The following ZFPM2 variants were observed in gnomAD, a reference collection of about 807,000 sequenced individuals.
ZFPM2 encodes the protein zinc finger protein ZFPM2.
ZFPM2 carries 20 observed loss-of-function variants against 98.6 expected under a neutral mutation model. The ratio of observed to expected loss-of-function variants is 0.20; its 90% CI spans 0.14 to 0.29. The LOEUF (loss-of-function observed/expected upper bound fraction) is 0.29. Among genes scored for constraint, ZFPM2 ranks in the 10% least tolerant of loss-of-function variants. The pLI, the probability that ZFPM2 is intolerant of heterozygous loss-of-function variation, is 1.00. For synonymous variants in ZFPM2, 518 were observed against 502.7 expected, an observed-to-expected ratio of 1.03 and a Z score of -0.41; for missense variants, 1,310 against 1,388.6, an observed-to-expected ratio of 0.94 and a Z score of 0.90.
chr8:105,465,827 G>A (rs1211044845), intron 3 of ZFPM2, among the ~76,000 whole-genome samples: 2 of 151,986 alleles, frequency 1.3e-5, no homozygotes, highest in South Asian at 2.1e-4. Flanking sequence ...TTTAGGAGAC[G>A]AACTATTGAT....
chr8:105,334,683 AT>A (rs1023291810), intron 1 of ZFPM2, among the ~76,000 whole-genome samples: 2 of 151,440 alleles, frequency 1.3e-5, no homozygotes, highest in East Asian at 1.9e-4. Context: ...GAGTTCAGAA[AT>A]TTTTTTCTGC....
intron 1 of ZFPM2, among the ~76,000 whole-genome samples, chr8:105,393,344 T>TTCTGTCTG (rs1242830639): frequency 1.4e-5 from 1 of 71,182 alleles, no homozygotes; most frequent in African/African-American, 5.7e-5. Context: ...TTGCCTTTCT[T>TTCTGTCTG]TCTTTCTTTC....
At chr8:105,773,179 CTG>C (rs1813020709) in intron 5 of ZFPM2, among the ~76,000 whole-genome samples, 1 of 152,174 alleles carries the variant, frequency 6.6e-6, no homozygotes, top group Non-Finnish European at 1.5e-5. Context: ...TACCAAACCA[CTG>C]TCATTTGAAA....
At chr8:105,737,036 C>T (rs1288667245) in intron 5 of ZFPM2, among the ~76,000 whole-genome samples, 1 of 151,944 alleles carries the variant, frequency 6.6e-6, no homozygotes, top group Non-Finnish European at 1.5e-5. Flanking sequence ...CACGTGCACA[C>T]ATGATTTTGC....
intron 3 of ZFPM2, among the ~76,000 whole-genome samples, chr8:105,511,989 T>C (rs1173455768): frequency 6.6e-6 from 1 of 151,992 alleles, no homozygotes; most frequent in Non-Finnish European, 1.5e-5. Flanking sequence ...CTACTAAAAA[T>C]ACAAAAATTA....
chr8:105,609,152 G>A (rs532100064), intron 4 of ZFPM2, among the ~76,000 whole-genome samples: 12 of 152,240 alleles, frequency 7.9e-5, no homozygotes, highest in Admixed American at 7.9e-4. Context: ...AACTGAAGGA[G>A]GGGAGCGAGG....
chr8:105,438,773 C>G (rs1371546436), intron 2 of ZFPM2, among the ~76,000 whole-genome samples: 1 of 152,080 alleles, frequency 6.6e-6, no homozygotes, highest in East Asian at 1.9e-4. Context: ...ATCAGTCCCC[C>G]CACTGAAATA....
rs897516797 is a variant in ZFPM2, at chr8:105,412,677, AT to A, written c.41-6457del. ...GAAGAACTTGCTCATTTAAAATAGT[AT>A]TTTTTTTTTAGACTACAGAAATAAG... On this transcript the variant is annotated intron_variant, in intron 1 of 7. Transcript: ENST00000407775. Among the ~76,000 whole-genome samples the A allele has an allele frequency of 6.1e-3, 908 of 148,878 alleles. 9 individuals carry two copies. The highest frequency in any genetic ancestry group is 0.021 in the African/African-American group (854 of 40,740).
chr8:105,389,080 A>G (rs530948138), intron 1 of ZFPM2, among the ~76,000 whole-genome samples: 17 of 151,090 alleles, frequency 1.1e-4, no homozygotes, highest in South Asian at 8.4e-4. Flanking sequence ...GGAGAGACGA[A>G]TAGATACTCT....
chr8:105,339,576 G>A (rs190632947), intron 1 of ZFPM2, among the ~76,000 whole-genome samples: 3 of 151,966 alleles, frequency 2.0e-5, no homozygotes, highest in East Asian at 3.9e-4. Flanking sequence ...ACATAATGAG[G>A]AGAAGTGACA....
At chr8:105,529,492 C>T (rs529553796) in intron 3 of ZFPM2, among the ~76,000 whole-genome samples, 16 of 151,836 alleles carry the variant, frequency 1.1e-4, no homozygotes, top group African/African-American at 2.9e-4. Context: ...CTGAGTAACA[C>T]GGAATATGTT....
At position 105,571,761 on chromosome 8, in the gene ZFPM2, T is replaced by G. The variant is rs137953371; in HGVS notation, c.420+10280T>G. On this transcript the variant is annotated intron_variant, in intron 4 of 7. Transcript: ENST00000407775. ...CAGTTTGTACTCCTTCAGTTTGGTC[T>G]TAAAAATCAAAATTACTTAGGGATA... 8.1e-3 allele frequency among the ~76,000 whole-genome samples: 1,241 copies of G among 152,308 alleles called. 14 individuals carry two copies. Among genetic ancestry groups the G allele is most frequent in the African/African-American group, 0.028 (1,155 of 41,572 alleles).
intron 1 of ZFPM2, among the ~76,000 whole-genome samples, chr8:105,388,245 CAT>C (rs770641966): frequency 9.9e-5 from 15 of 151,006 alleles, no homozygotes; most frequent in Admixed American, 5.3e-4. Flanking sequence ...TCAGTGGCAA[CAT>C]AGAGATTTTC....
At chr8:105,676,419 G>A (rs1810463780) in intron 5 of ZFPM2, among the ~76,000 whole-genome samples, 2 of 152,034 alleles carry the variant, frequency 1.3e-5, no homozygotes, top group South Asian at 4.1e-4. Flanking sequence ...ATTTGTCAAT[G>A]AAACTTTTTT....
chr8:105,587,012 C>T (rs1009575359), intron 4 of ZFPM2, among the ~76,000 whole-genome samples: 76 of 151,646 alleles, frequency 5.0e-4, no homozygotes, highest in Admixed American at 2.0e-3. Flanking sequence ...CACGGTGGCT[C>T]ATGCCTGTAA....
At chr8:105,426,058 C>T (rs1345304056) in intron 2 of ZFPM2, among the ~76,000 whole-genome samples, 2 of 152,108 alleles carry the variant, frequency 1.3e-5, no homozygotes, top group African/African-American at 4.8e-5. Context: ...CCTTTAATGA[C>T]ATGTTTTTGC....
Position 105,801,245 on chromosome 8 carries a change from G to A in ZFPM2, c.1163G>A (p.Ser388Asn). 1 of 1,613,898 alleles carries A rather than the reference G, an allele frequency of 6.2e-7. No homozygotes were observed. Among genetic ancestry groups the A allele is most frequent in the Middle Eastern group, 1.6e-4 (1 of 6,062 alleles). The change falls in exon 8 of 8, where the codon AGC becomes AAC. Residue 388 changes from serine to asparagine, a missense_variant. By Grantham distance (46) the Ser-to-Asn change is conservative. Transcript: ENST00000407775. The stretch of plus-strand genomic sequence containing the variant: ...CAGCACCAGGAGCTCCATGTCCCTA[G>A]CGGCAAACTTCCCAGAGAAAGTGAC... ...LLQHQELHVP[S>N]GKLPRESDME...
intron 1 of ZFPM2, among the ~76,000 whole-genome samples, chr8:105,375,060 G>A (rs1026353614): frequency 6.6e-6 from 1 of 152,058 alleles, no homozygotes; most frequent in African/African-American, 2.4e-5. Context: ...GTATTTGGGG[G>A]CAAGGATTTT....
chr8:105,530,135 A>G (rs1814265042), intron 3 of ZFPM2, among the ~76,000 whole-genome samples: 1 of 152,188 alleles, frequency 6.6e-6, no homozygotes, highest in Admixed American at 6.6e-5. Context: ...ACTATAATTC[A>G]CAAGGTATTG....
Sources: allele counts gnomAD v4.1 joint callset (sites outside exome capture counted in the v4.1 genomes callset), GRCh38; gene constraint gnomAD v4.1.1; transcripts MANE v1.5; gene names NCBI Gene and HGNC (gene_info 2026-07-23, HGNC 2026-07-21).